PRKAG2: variants seen among roughly 807,000 people sequenced by gnomAD.
PRKAG2 encodes the protein 5'-AMP-activated protein kinase subunit gamma-2.
In PRKAG2, 26 loss-of-function variants were observed where a neutral mutation model predicts 69.6. The ratio of observed to expected loss-of-function variants is 0.37; its 90% CI spans 0.27 to 0.52. The LOEUF (loss-of-function observed/expected upper bound fraction) is 0.52. Ranked by LOEUF, PRKAG2 falls within the 20% of genes least tolerant of loss-of-function variation. The pLI, the probability that PRKAG2 is intolerant of heterozygous loss-of-function variation, is 0.90. For synonymous variants in PRKAG2, 293 were observed against 285.0 expected (o/e 1.03, Z -0.28); for missense variants, 557 against 740.0 (o/e 0.75, Z 2.87).
At chr7:151,736,016 G>A (rs1042319375) in intron 3 of PRKAG2, 1 of 1,536,054 alleles carries the variant, frequency 6.5e-7, no homozygotes, top group African/African-American at 1.4e-5. Context: ...CCACAGGAGT[G>A]GCGACAGGTG....
At chr7:151,617,302 G>A (rs1820413325) in intron 5 of PRKAG2, among the ~76,000 whole-genome samples, 1 of 132,872 alleles carries the variant, frequency 7.5e-6, no homozygotes, top group African/African-American at 2.8e-5. Flanking sequence ...GGGGGAGGGA[G>A]GGAGGGAGAG....
intron 5 of PRKAG2, among the ~76,000 whole-genome samples, chr7:151,615,952 G>C (rs1442928501): frequency 3.9e-5 from 6 of 152,224 alleles, no homozygotes; most frequent in Non-Finnish European, 8.8e-5. Flanking sequence ...CACACCGGCA[G>C]TATAAACACA....
At chr7:151,837,918 C>G (rs1248124536) in intron 1 of PRKAG2, among the ~76,000 whole-genome samples, 2 of 152,150 alleles carry the variant, frequency 1.3e-5, no homozygotes, top group Non-Finnish European at 2.9e-5. Context: ...ACAGTCACTC[C>G]TGTGGGCAGC....
At chr7:151,688,007 G>A (rs1294216481) in intron 3 of PRKAG2, among the ~76,000 whole-genome samples, 1 of 143,848 alleles carries the variant, frequency 7.0e-6, no homozygotes, top group Non-Finnish European at 1.5e-5. Flanking sequence ...GGTTTGGAAG[G>A]GGAGGGAGGA....
chr7:151,852,725 G>C (rs971047372), intron 1 of PRKAG2, among the ~76,000 whole-genome samples: 1 of 151,982 alleles, frequency 6.6e-6, no homozygotes, highest in African/African-American at 2.4e-5. Flanking sequence ...ACCTGGAAGT[G>C]CTCCCATCCT....
intron 5 of PRKAG2, among the ~76,000 whole-genome samples, chr7:151,596,945 G>A (rs931472005): frequency 1.3e-5 from 2 of 151,766 alleles, no homozygotes; most frequent in African/African-American, 4.8e-5. Flanking sequence ...CATTTGTATA[G>A]AACCACAAAG....
chr7:151,576,493 C>T, intron 6 of PRKAG2, 41 bp from the exon 7 acceptor site: 4 of 1,505,334 alleles, frequency 2.7e-6, no homozygotes, highest in Non-Finnish European at 3.7e-6. Flanking sequence ...TTTCAAAGTC[C>T]AGGAAGAAAA....
intron 8 of PRKAG2, among the ~76,000 whole-genome samples, chr7:151,573,716 A>C (rs917936210): frequency 6.6e-6 from 1 of 152,214 alleles, no homozygotes; most frequent in Non-Finnish European, 1.5e-5. Context: ...AAGAAATAAT[A>C]CACTTCATGG....
At chr7:151,826,573 C>A (rs2078909369) in intron 1 of PRKAG2, among the ~76,000 whole-genome samples, 1 of 152,076 alleles carries the variant, frequency 6.6e-6, no homozygotes. Context: ...TCTCTCTTTC[C>A]TTTATGAGGT....
At chr7:151,855,030 TGCTCCACACACAC>T (rs2079681291) in intron 1 of PRKAG2, among the ~76,000 whole-genome samples, 1 of 15,862 alleles carries the variant, frequency 6.3e-5, no homozygotes, top group African/African-American at 2.7e-4. Flanking sequence ...ACACACACCA[TGCTCCACACACAC>T]CGCCCTCCAC....
At chr7:151,768,383 C>G (rs569840617) in intron 3 of PRKAG2, among the ~76,000 whole-genome samples, 1 of 152,218 alleles carries the variant, frequency 6.6e-6, no homozygotes, top group Non-Finnish European at 1.5e-5. Context: ...CCATTAGCAA[C>G]GGCAAAGCTT....
chr7:151,750,474 T>A (rs1428990283), intron 3 of PRKAG2, among the ~76,000 whole-genome samples: 1 of 152,188 alleles, frequency 6.6e-6, no homozygotes, highest in Non-Finnish European at 1.5e-5. Context: ...TTCAAAACAA[T>A]CTGCTAAGTG....
intron 5 of PRKAG2, among the ~76,000 whole-genome samples, chr7:151,619,782 G>C (rs1044412446): frequency 6.6e-6 from 1 of 152,216 alleles, no homozygotes; most frequent in South Asian, 2.1e-4. Flanking sequence ...CACTTTGGAG[G>C]GGCCGAGGTG....
chr7:151,818,936 G>C (rs545264574), intron 1 of PRKAG2, among the ~76,000 whole-genome samples: 2 of 152,224 alleles, frequency 1.3e-5, no homozygotes, highest in Non-Finnish European at 2.9e-5. Context: ...AGGTCCTGTG[G>C]TTGCTTCTGA....
rs1463245078 is a variant in PRKAG2, at chr7:151,771,201, T to A, written c.466+9951A>T. ...TTTTACCCTATCTTCATTCCAGCTATGTTATTCTTTATGCTTTTCCCTTAG... is the reference window on the plus strand; with the variant it reads ...TTTTACCCTATCTTCATTCCAGCTAAGTTATTCTTTATGCTTTTCCCTTAG... On this transcript the variant is annotated intron_variant, in intron 3 of 15. Transcript: ENST00000287878. The surrounding 1 kb of genome is among the most constrained non-coding windows in gnomAD (Gnocchi z 4.0). Among the ~76,000 whole-genome samples the A allele has an allele frequency of 6.6e-6, 1 of 152,228 alleles. No individual in the cohort carries two copies. Among genetic ancestry groups the A allele is most frequent in the Non-Finnish European group, 1.5e-5 (1 of 68,044 alleles).
chr7:151,868,638 G>A lies in PRKAG2; in HGVS notation c.114+7869C>T, dbSNP rs180788304. On this transcript the variant is annotated intron_variant, in intron 1 of 15. Coordinates refer to ENST00000287878, the MANE Select transcript of PRKAG2 (RefSeq NM_016203.4). ...GACGGCAGACAGCTGGTGCTTCATC[G>A]GTGATCACGTTCATTGGTCCCATTT... Among the ~76,000 whole-genome samples the A allele has an allele frequency of 3.1e-3, 465 of 152,328 alleles. 2 individuals are homozygous for A. The highest frequency in any genetic ancestry group is 5.3e-3 in the Non-Finnish European group (362 of 68,026).
intron 5 of PRKAG2, among the ~76,000 whole-genome samples, chr7:151,626,941 C>T (rs1823086366): frequency 6.6e-6 from 1 of 152,084 alleles, no homozygotes; most frequent in Admixed American, 6.5e-5. Context: ...CCAACAAGAA[C>T]CGATCTTCAC....
intron 3 of PRKAG2, among the ~76,000 whole-genome samples, chr7:151,715,909 G>T (rs563345132): frequency 6.6e-6 from 1 of 152,258 alleles, no homozygotes; most frequent in East Asian, 1.9e-4. Flanking sequence ...CCCATCTCAC[G>T]GCATCTTAGG....
At chr7:151,763,993 A>T (rs2151763175) in intron 3 of PRKAG2, among the ~76,000 whole-genome samples, 1 of 152,346 alleles carries the variant, frequency 6.6e-6, no homozygotes, top group Middle Eastern at 3.4e-3. Context: ...AAAGGGACAA[A>T]GGCACACTCC....
Sources: allele counts gnomAD v4.1 joint callset (sites outside exome capture counted in the v4.1 genomes callset), GRCh38; gene constraint gnomAD v4.1.1; non-coding constraint Gnocchi (gnomAD v3.1); transcripts MANE v1.5; gene names NCBI Gene and HGNC (gene_info 2026-07-23, HGNC 2026-07-21).